LRRC63: variants seen among roughly 807,000 people sequenced by gnomAD.
LRRC63 encodes the protein leucine-rich repeat-containing protein 63.
In LRRC63, 40 loss-of-function variants were observed where a neutral mutation model predicts 49.5. The observed-to-expected ratio is 0.81, with a 90% CI of 0.63 to 1.05. The LOEUF (loss-of-function observed/expected upper bound fraction) is 1.05, where lower values mean the gene tolerates loss of function less well. Among genes scored for constraint, LRRC63 ranks in the 50% least tolerant of loss-of-function variants. The probability of loss-of-function intolerance (pLI) is 0.00; values close to 1 mark genes in which losing one functional copy is unlikely to be tolerated. For missense variants in LRRC63, 636 were observed against 663.1 expected (o/e 0.96, Z 0.45); for synonymous variants, 191 against 221.1 (o/e 0.86, Z 1.21).
chr13:46,255,645 A>AAAAAAAAAAAAATATATATATAT (rs1555328641), intron 7 of LRRC63, among the ~76,000 whole-genome samples: 2 of 129,468 alleles, frequency 1.5e-5, no homozygotes, highest in Admixed American at 8.3e-5. Context: ...CCCTGCCTCA[A>AAAAAAAAAAAAATATATATATAT]ATATATATAT....
At chr13:46,250,199 A>G (rs1208918352) in intron 6 of LRRC63, 156 bp from the exon 7 acceptor site, 9 of 582,794 alleles carry the variant, frequency 1.5e-5, no homozygotes, top group Non-Finnish European at 2.6e-5. Flanking sequence ...CTTGTTTTGA[A>G]GGTTGACCGA....
chr13:46,267,833 T>G (rs2047703441), intron 9 of LRRC63, among the ~76,000 whole-genome samples: 1 of 152,166 alleles, frequency 6.6e-6, no homozygotes, highest in Non-Finnish European at 1.5e-5. Context: ...TAAACAGATA[T>G]GGGATCATGA....
intron 9 of LRRC63, among the ~76,000 whole-genome samples, chr13:46,275,701 G>T (rs546017810): frequency 6.7e-6 from 1 of 150,204 alleles, no homozygotes; most frequent in South Asian, 2.1e-4. Context: ...ATATTCATTA[G>T]TGCCTTGTCA....
At chr13:46,223,822 C>T (rs1436310709) in intron 2 of LRRC63, among the ~76,000 whole-genome samples, 1 of 152,120 alleles carries the variant, frequency 6.6e-6, no homozygotes. Flanking sequence ...TGCCACTGCA[C>T]TCCAGCCTGG....
At chr13:46,260,729 T>C (rs1316151160) in intron 7 of LRRC63, among the ~76,000 whole-genome samples, 1 of 152,072 alleles carries the variant, frequency 6.6e-6, no homozygotes, top group Non-Finnish European at 1.5e-5. Flanking sequence ...ATTTTACGTG[T>C]TATTTAGAGA....
At chr13:46,223,294 T>G (rs542390608) in intron 2 of LRRC63, among the ~76,000 whole-genome samples, 29 of 152,248 alleles carry the variant, frequency 1.9e-4, no homozygotes, top group African/African-American at 6.7e-4. Context: ...TTGTTGAAGA[T>G]CAGTTGGCTG....
chr13:46,226,831 T>G (rs1489601749), intron 2 of LRRC63, among the ~76,000 whole-genome samples: 1 of 152,198 alleles, frequency 6.6e-6, no homozygotes, highest in South Asian at 2.1e-4. Flanking sequence ...TATTATCTCC[T>G]CATTTGAATG....
chr13:46,267,417 C>T (rs10507540), intron 9 of LRRC63, among the ~76,000 whole-genome samples: 1 of 152,106 alleles, frequency 6.6e-6, no homozygotes, highest in Non-Finnish European at 1.5e-5. Flanking sequence ...GAATCATTGC[C>T]TAATCTCAAG....
In LRRC63 at chr13:46,234,359, A is replaced by G; in HGVS notation, c.990+10A>G. The stretch of plus-strand genomic sequence containing the variant: ...TGCACTTAATCTGAAGGTATGCTAG[A>G]TCTTTTTAATGACAGTGCCCTCCTG... On this transcript the variant is annotated intron_variant, in intron 5 of 9. Coordinates refer to ENST00000595396, the Ensembl canonical transcript of LRRC63. The G allele has an allele frequency of 6.5e-7, 1 of 1,548,098 alleles. No individual in the cohort carries two copies. The highest frequency in any genetic ancestry group is 1.4e-5 in the African/African-American group (1 of 73,098).
Position 46,228,196 on chromosome 13 carries a change from AC to A in LRRC63, c.763+8del. The A allele has an allele frequency of 6.6e-7, 1 of 1,524,686 alleles. No individual in the cohort carries two copies. The highest frequency in any genetic ancestry group is 1.4e-5 in the African/African-American group (1 of 72,548). The allele number at this position is 1,524,686 out of a possible 1,614,324, so 94.4% of individuals were successfully genotyped here. ...CACAGGCAGTCTGTGATAGGTAAATACAATCTGAACACGGTATAATTATAGA... is the reference window on the plus strand; with the variant it reads ...CACAGGCAGTCTGTGATAGGTAAATAAATCTGAACACGGTATAATTATAGA... On this transcript the variant is annotated splice_region_variant and intron_variant, in intron 3 of 9. Coordinates refer to ENST00000595396, the Ensembl canonical transcript of LRRC63.
intron 6 of LRRC63, among the ~76,000 whole-genome samples, chr13:46,248,726 G>A (rs1445424669): frequency 1.3e-5 from 2 of 151,758 alleles, no homozygotes; most frequent in Non-Finnish European, 3.0e-5. Context: ...GAAAAATTAG[G>A]CAGAAGAACA....
At chr13:46,256,665 T>G (rs2047516127) in intron 7 of LRRC63, among the ~76,000 whole-genome samples, 1 of 152,208 alleles carries the variant, frequency 6.6e-6, no homozygotes, top group Admixed American at 6.5e-5. Flanking sequence ...ATTTCATAGA[T>G]CCACAAATGG....
At chr13:46,234,261 C>A (rs190967213) in exon 5 of LRRC63, 2 of 1,550,194 alleles carry the variant, frequency 1.3e-6, no homozygotes, top group African/African-American at 2.7e-5. Context: ...AAGACTGTTG[C>A]AGCAACACGA....
At chr13:46,230,346 T>G (rs113546454) in intron 4 of LRRC63, among the ~76,000 whole-genome samples, 1,830 of 152,260 alleles carry the variant, frequency 0.012, 19 homozygotes, top group Middle Eastern at 0.027. Context: ...AGGATATATG[T>G]ATATATGAAA....
chr13:46,276,741 G>T (rs1173934287), exon 10 of LRRC63: 4 of 1,226,666 alleles, frequency 3.3e-6, no homozygotes, highest in Admixed American at 4.3e-5. Flanking sequence ...AAGCAGTTTT[G>T]TTTTAGATGG....
Position 46,274,625 on chromosome 13 carries a change from G to T in LRRC63, c.1551-1965G>T, listed in dbSNP as rs138695927. On this transcript the variant is annotated intron_variant, in intron 9 of 9. Transcript: ENST00000595396. ...CAGACAGAGAATCCACTTCCATTGA[G>T]AATGGGGTCAGAAGACTCATGTTCC... Among the ~76,000 whole-genome samples, 14 of 152,266 alleles carry T rather than the reference G, an allele frequency of 9.2e-5. No individual in the cohort carries two copies. The East Asian group carries it at 2.5e-3, about 27-fold the overall frequency.
At chr13:46,276,661 T>C (rs2047841213) in exon 10 of LRRC63, 5 of 1,230,822 alleles carry the variant, frequency 4.1e-6, no homozygotes, top group Non-Finnish European at 5.1e-6. Flanking sequence ...TCCTGTGATA[T>C]TTTTGGAGCA....
At chr13:46,269,899 C>CTATACACATA (rs757634528) in intron 9 of LRRC63, among the ~76,000 whole-genome samples, 3,007 of 114,290 alleles carry the variant, frequency 0.026, 56 homozygotes, top group Non-Finnish European at 0.041. Context: ...ATAGTAGACA[C>CTATACACATA]TATATACATA....
chr13:46,271,887 A>G (rs2047764366), intron 9 of LRRC63, among the ~76,000 whole-genome samples: 1 of 152,120 alleles, frequency 6.6e-6, no homozygotes, highest in African/African-American at 2.4e-5. Context: ...ATTTATACAG[A>G]AAAAAGTTTA....
Sources: allele counts gnomAD v4.1 joint callset (sites outside exome capture counted in the v4.1 genomes callset), GRCh38; gene constraint gnomAD v4.1.1; transcripts MANE v1.5; gene names NCBI Gene and HGNC (gene_info 2026-07-23, HGNC 2026-07-21).